The following DPY19L4 variants were observed in gnomAD, a reference collection of about 807,000 sequenced individuals.
DPY19L4 encodes dpy-19 like 4.
In DPY19L4, 97 loss-of-function variants were observed where a neutral mutation model predicts 102.8. That is an observed-to-expected ratio of 0.94 (90% CI 0.80 to 1.12). DPY19L4 has a LOEUF of 1.12. Ranked by LOEUF, DPY19L4 falls within the 50% of genes most tolerant of loss-of-function variation. The pLI is 0.00. For synonymous variants in DPY19L4, 252 were observed against 283.1 expected (o/e 0.89, Z 1.10); for missense variants, 815 against 850.4 (o/e 0.96, Z 0.52).
chr8:94,778,319 G>A (rs953757760), intron 14 of DPY19L4, among the ~76,000 whole-genome samples: 1 of 152,118 alleles, frequency 6.6e-6, no homozygotes, highest in African/African-American at 2.4e-5. Context: ...ACGTGAATCA[G>A]TAATGTGAGA....
chr8:94,765,631 C>T (rs1391369707), intron 9 of DPY19L4, 80 bp from the exon 10 acceptor site: 39 of 1,098,186 alleles, frequency 3.6e-5, no homozygotes, highest in Admixed American at 8.0e-5. Flanking sequence ...CCACTGTGCT[C>T]GGCCATTCTT....
chr8:94,726,951 C>T (rs1181783428), intron 2 of DPY19L4, among the ~76,000 whole-genome samples: 1 of 152,140 alleles, frequency 6.6e-6, no homozygotes, highest in African/African-American at 2.4e-5. Flanking sequence ...TTACCACACC[C>T]TGTCCTTGTG....
chr8:94,721,590 G>A (rs1476782047), intron 1 of DPY19L4, among the ~76,000 whole-genome samples: 2 of 152,104 alleles, frequency 1.3e-5, no homozygotes, highest in Admixed American at 1.3e-4. Flanking sequence ...ATTTATGGGG[G>A]TAGGTTGATA....
intron 7 of DPY19L4, among the ~76,000 whole-genome samples, chr8:94,756,466 G>C (rs1812167485): frequency 6.6e-6 from 1 of 152,188 alleles, no homozygotes; most frequent in East Asian, 1.9e-4. Flanking sequence ...CGGACTTCTG[G>C]AACATTGATG....
Position 94,781,137 on chromosome 8 carries a change from A to G in DPY19L4, c.1686A>G (p.Pro562=). The part of the protein sequence containing the change: ...ELMELQEFYD[P]DTVELMTWIK... ...TGGAACTACAGGAATTCTATGACCC[A>G]GATACAGTGGAACTTATGACCTGGA... The change falls in exon 16 of 19, where the codon CCA becomes CCG. Residue 562 remains proline (P), a synonymous_variant. Transcript: ENST00000414645. 6.3e-7 allele frequency: 1 copy of G among 1,596,744 alleles called. No individual in the cohort carries two copies.
chr8:94,757,839 G>A (rs1380783878), intron 7 of DPY19L4, among the ~76,000 whole-genome samples: 1 of 152,080 alleles, frequency 6.6e-6, no homozygotes, highest in Non-Finnish European at 1.5e-5. Flanking sequence ...GGGTGTGGTG[G>A]CTCACACCTA....
chr8:94,754,542 T>C (rs1252092077), intron 6 of DPY19L4, among the ~76,000 whole-genome samples: 1 of 152,216 alleles, frequency 6.6e-6, no homozygotes, highest in Non-Finnish European at 1.5e-5. Context: ...GGAACCAAGT[T>C]AACATGCAAG....
intron 14 of DPY19L4, among the ~76,000 whole-genome samples, 198 bp downstream of exon 14, chr8:94,777,984 A>C (rs578075532): frequency 6.6e-6 from 1 of 152,220 alleles, no homozygotes; most frequent in Non-Finnish European, 1.5e-5. Flanking sequence ...TAATCCAAGC[A>C]CTTTGGGAGG....
intron 1 of DPY19L4, 49 bp downstream of exon 1, chr8:94,720,063 A>G: frequency 6.6e-7 from 1 of 1,511,154 alleles, no homozygotes; most frequent in Non-Finnish European, 8.9e-7. Flanking sequence ...TGGTCTCGGG[A>G]AGGAGGGGCG....
rs762565835 is a variant in DPY19L4 at position 94,783,910 on chromosome 8, T to G, written c.1848+108T>G. 1.1e-4 allele frequency: 134 copies of G among 1,233,134 alleles called. 1 individual carries two copies. Among genetic ancestry groups the G allele is most frequent in the Non-Finnish European group, 1.4e-4 (129 of 916,544 alleles). 76.4% of individuals were successfully genotyped at this position (1,233,134 alleles called of 1,614,324 possible). A position where few individuals can be genotyped will look rare whatever the true frequency, so the allele number is the denominator to read the frequency against. ...AGGTAGCTAGGAAAGTCCAAACAAT[T>G]TTAGAAGAGTTAATTAACTTCCATT... On this transcript the variant is annotated intron_variant, in intron 17 of 18. Transcript: ENST00000414645.
Position 94,784,361 on chromosome 8 carries a change from C to T in DPY19L4, c.1848+559C>T, listed in dbSNP as rs570380110. On this transcript the variant is annotated intron_variant, in intron 17 of 18. Coordinates refer to ENST00000414645, the MANE Select transcript of DPY19L4 (RefSeq NM_181787.3). ...GAGTAGCTGGAATTACAGGCACCTGCCACCACAGCCAGCTAACGTTCTTTT... is the reference window on the plus strand; with the variant it reads ...GAGTAGCTGGAATTACAGGCACCTGTCACCACAGCCAGCTAACGTTCTTTT... Among the ~76,000 whole-genome samples the T allele has an allele frequency of 3.3e-5, 5 of 152,338 alleles. No individual in the cohort carries two copies. The East Asian group carries it at 9.6e-4, about 29-fold the overall frequency.
chr8:94,736,146 C>A (rs953288848), intron 3 of DPY19L4, among the ~76,000 whole-genome samples: 1 of 152,160 alleles, frequency 6.6e-6, no homozygotes, highest in East Asian at 1.9e-4. Flanking sequence ...GTGGAAGCAG[C>A]AAGGGATCGC....
At chr8:94,769,048 A>C (rs1157911370) in intron 12 of DPY19L4, among the ~76,000 whole-genome samples, 1 of 150,926 alleles carries the variant, frequency 6.6e-6, no homozygotes, top group Non-Finnish European at 1.5e-5. Flanking sequence ...GAAAAATTTA[A>C]ACTTAGTTTT....
chr8:94,780,319 A>G, intron 14 of DPY19L4, 40 bp from the exon 15 acceptor site: 1 of 1,400,474 alleles, frequency 7.1e-7, no homozygotes, highest in South Asian at 1.8e-5. Context: ...TGTGTTCTGA[A>G]ATGTATTTAT....
intron 3 of DPY19L4, among the ~76,000 whole-genome samples, chr8:94,735,422 T>C (rs1811149748): frequency 6.6e-6 from 1 of 152,236 alleles, no homozygotes; most frequent in Non-Finnish European, 1.5e-5. Context: ...TTTAACTGAG[T>C]AATTACTGAC....
rs532088718 is a variant in DPY19L4 at position 94,734,653 on chromosome 8, A to G, written c.151A>G (p.Lys51Glu). 6.2e-7 allele frequency: 1 copy of G among 1,613,936 alleles called. No homozygotes were observed. Among genetic ancestry groups the G allele is most frequent in the Admixed American group, 1.7e-5 (1 of 60,000 alleles). Residue 51 changes from lysine to glutamate, a missense_variant, in exon 3 of 19, where the codon AAG (lysine) becomes GAG (glutamate). Coordinates refer to ENST00000414645, the MANE Select transcript of DPY19L4 (RefSeq NM_181787.3). ...PKHVLFQRFA[K>E]IFIGCLAAVT... Reference sequence around the variant, plus strand: ...AGATGTATTATTTCAACGCTTTGCAAAGATTTTCATTGGCTGTCTTGCAGC... The same window carrying G: ...AGATGTATTATTTCAACGCTTTGCAGAGATTTTCATTGGCTGTCTTGCAGC...
intron 14 of DPY19L4, among the ~76,000 whole-genome samples, chr8:94,778,738 T>C (rs1023848005): frequency 2.6e-5 from 4 of 152,106 alleles, no homozygotes; most frequent in African/African-American, 9.7e-5. Context: ...ATTTAGTTAT[T>C]AGGCAAATGA....
intron 6 of DPY19L4, among the ~76,000 whole-genome samples, chr8:94,754,117 G>A (rs764186662): frequency 2.0e-5 from 3 of 152,118 alleles, no homozygotes; most frequent in African/African-American, 4.8e-5. Context: ...CTGGGAGGTC[G>A]AGGCTGCAGT....
At chr8:94,780,020 A>G (rs1044747225) in intron 14 of DPY19L4, among the ~76,000 whole-genome samples, 2 of 152,144 alleles carry the variant, frequency 1.3e-5, no homozygotes, top group African/African-American at 4.8e-5. Context: ...GTAGTAGTGT[A>G]CTATCCTTTG....
Sources: allele counts gnomAD v4.1 joint callset (sites outside exome capture counted in the v4.1 genomes callset), GRCh38; gene constraint gnomAD v4.1.1; transcripts MANE v1.5; gene names NCBI Gene and HGNC (gene_info 2026-07-23, HGNC 2026-07-21).